Variants in LRRK2 observed in about 807,000 individuals in gnomAD.
The protein encoded by LRRK2 is leucine rich repeat kinase 2, also known as leucine-rich repeat serine/threonine-protein kinase 2.
A neutral mutation model predicts 302.6 loss-of-function variants in LRRK2; 203 were observed. That is an observed-to-expected ratio of 0.67 (90% CI 0.60 to 0.75). The LOEUF (loss-of-function observed/expected upper bound fraction) is 0.75, where lower values mean the gene tolerates loss of function less well. LRRK2 is among the 30% of genes least tolerant of loss of function. The pLI is 0.00. For synonymous variants in LRRK2, 1,066 were observed against 1,031.9 expected, an observed-to-expected ratio of 1.03 and a Z score of -0.63; for missense variants, 2,830 against 2,951.0, an observed-to-expected ratio of 0.96 and a Z score of 0.95.
chr12:40,265,191 C>T lies in LRRK2; in HGVS notation c.1656+1290C>T, dbSNP rs551826041. ...TTATGTTGTAATGGGTTAAATTTATCTTGAGAAATATTTGTTGAAAATAAG... is the reference window on the plus strand; with the variant it reads ...TTATGTTGTAATGGGTTAAATTTATTTTGAGAAATATTTGTTGAAAATAAG... On this transcript the variant is annotated intron_variant, in intron 14 of 50. Coordinates refer to ENST00000298910, the MANE Select transcript of LRRK2 (RefSeq NM_198578.4). Among the ~76,000 whole-genome samples the T allele has an allele frequency of 3.5e-4, 53 of 152,192 alleles. No homozygotes were observed. The South Asian group carries it at 5.8e-3, about 17-fold the overall frequency.
intron 39 of LRRK2, among the ~76,000 whole-genome samples, chr12:40,331,397 C>G (rs765902159): frequency 6.6e-6 from 1 of 152,156 alleles, no homozygotes; most frequent in South Asian, 2.1e-4. Context: ...GCAGGCTTTG[C>G]TCTCTAGATG....
At chr12:40,249,988 G>C (rs374219051) in intron 8 of LRRK2, 43 bp downstream of exon 8, 1 of 1,608,540 alleles carries the variant, frequency 6.2e-7, no homozygotes, top group Non-Finnish European at 8.5e-7. Flanking sequence ...AGAGGCATTT[G>C]ACATCAAATA....
chr12:40,271,425 G>A (rs7308193), intron 14 of LRRK2, among the ~76,000 whole-genome samples: 79 of 152,118 alleles, frequency 5.2e-4, no homozygotes, highest in African/African-American at 1.9e-3. Context: ...GGCTAGCTCA[G>A]TCATTGGAGA....
intron 2 of LRRK2, among the ~76,000 whole-genome samples, chr12:40,229,495 C>G (rs1314954577): frequency 6.6e-6 from 1 of 152,008 alleles, no homozygotes; most frequent in East Asian, 1.9e-4. Context: ...TTTTTCTTTT[C>G]CTGCCTATCT....
chr12:40,309,122 T>C lies in LRRK2; in HGVS notation c.4206T>C (p.Tyr1402=), dbSNP rs773386479. The change falls in exon 30 of 51, where the codon TAT becomes TAC. Residue 1402 remains tyrosine, a synonymous_variant. Coordinates refer to ENST00000298910, the MANE Select transcript of LRRK2 (RefSeq NM_198578.4). ...VWDFAGREEF[Y]STHPHFMTQR... is the part of the protein sequence containing the mutation. ...TTTATTTAGGTCGTGAGGAATTCTA[T>C]AGTACTCATCCCCATTTTATGACGC... The C allele has an allele frequency of 2.5e-6, 4 of 1,613,888 alleles. No homozygotes were observed. In the East Asian group the frequency reaches 8.9e-5, roughly 36 times the overall value.
chr12:40,281,247 C>G (rs1449103413), intron 18 of LRRK2, among the ~76,000 whole-genome samples: 1 of 152,132 alleles, frequency 6.6e-6, no homozygotes, highest in Non-Finnish European at 1.5e-5. Flanking sequence ...TAATGTTATT[C>G]CCATTGTGCA....
chr12:40,356,010 G>A, intron 45 of LRRK2, 105 bp from the exon 46 acceptor site: 1 of 708,602 alleles, frequency 1.4e-6, no homozygotes, highest in Non-Finnish European at 2.4e-6. Flanking sequence ...GGAATTTATA[G>A]TTGAGAAGTC....
intron 7 of LRRK2, among the ~76,000 whole-genome samples, chr12:40,248,308 A>G (rs1236462900): frequency 6.6e-6 from 1 of 152,198 alleles, no homozygotes; most frequent in Admixed American, 6.6e-5. Context: ...GGGAAATGCT[A>G]CTTGACTGCC....
chr12:40,298,283 A>C lies in LRRK2; in HGVS notation c.3137A>C (p.Lys1046Thr), dbSNP rs1944459694. Residue 1046 changes from lysine (K) to threonine (T), a missense_variant, in exon 24 of 51, where the codon AAA becomes ACA. By Grantham distance (78) the Lys-to-Thr change is moderately conservative (BLOSUM62 -1). This residue lies in a region of LRRK2 where 2,121 missense variants were observed against 2,148.0 expected (regional missense o/e 0.99). Coordinates refer to ENST00000298910, the MANE Select transcript of LRRK2 (RefSeq NM_198578.4). ...SLTHLDLHSN[K>T]FTSFPSYLLK... ...ACACATTTGGACTTGCACAGTAATAAATTTACATCATTTCCTTCTTATTTG... is the reference window on the plus strand; with the variant it reads ...ACACATTTGGACTTGCACAGTAATACATTTACATCATTTCCTTCTTATTTG... 6.2e-7 allele frequency: 1 copy of C among 1,613,644 alleles called. No individual in the cohort carries two copies. The highest frequency in any genetic ancestry group is 1.1e-5 in the South Asian group (1 of 91,084).
chr12:40,249,810 T>C lies in LRRK2; in HGVS notation c.839-16T>C. 6.2e-7 allele frequency: 1 copy of C among 1,613,186 alleles called. No individual in the cohort carries two copies. Among genetic ancestry groups the C allele is most frequent in the East Asian group, 2.2e-5 (1 of 44,836 alleles). ...CCATGGATGAGAATTCAGCTAATGTTTCACTTAACTTTTAGGTAATTTTTT... is the reference window on the plus strand; with the variant it reads ...CCATGGATGAGAATTCAGCTAATGTCTCACTTAACTTTTAGGTAATTTTTT... On this transcript the variant is annotated splice_polypyrimidine_tract_variant and intron_variant, in intron 7 of 50. Coordinates refer to ENST00000298910, the MANE Select transcript of LRRK2 (RefSeq NM_198578.4).
intron 5 of LRRK2, among the ~76,000 whole-genome samples, 173 bp downstream of exon 5, chr12:40,238,276 T>C (rs1287987254): frequency 6.6e-6 from 1 of 152,120 alleles, no homozygotes; most frequent in Non-Finnish European, 1.5e-5. Flanking sequence ...GTATTGCTTG[T>C]TTTGGTGGGG....
In LRRK2 at chr12:40,284,226, A is replaced by T. The variant is rs140365603; in HGVS notation, c.2500+93A>T. The stretch of plus-strand genomic sequence containing the variant: ...TTTAGTGGTTATTCATGCCAGTTTG[A>T]GGGACCTTAAGCCAAAGATATTGCA... On this transcript the variant is annotated intron_variant, in intron 19 of 50. Coordinates refer to ENST00000298910, the MANE Select transcript of LRRK2 (RefSeq NM_198578.4). 2.1e-4 allele frequency: 236 copies of T among 1,145,574 alleles called. 1 individual carries two copies. In the African/African-American group the frequency reaches 3.4e-3, roughly 17 times the overall value. The allele number at this position is 1,145,574 out of a possible 1,614,324, so 71.0% of individuals were successfully genotyped here.
At chr12:40,298,557 T>C in intron 24 of LRRK2, 64 bp downstream of exon 24, 3 of 1,585,828 alleles carry the variant, frequency 1.9e-6, no homozygotes, top group Non-Finnish European at 2.6e-6. Flanking sequence ...CAAAATATGC[T>C]GACATTTTTA....
At chr12:40,234,625 C>T (rs1027905303) in intron 3 of LRRK2, among the ~76,000 whole-genome samples, 1 of 151,888 alleles carries the variant, frequency 6.6e-6, no homozygotes, top group Non-Finnish European at 1.5e-5. Flanking sequence ...GATCCCCCCG[C>T]CTCGGCGTCC....
chr12:40,310,372 A>C, intron 30 of LRRK2, 59 bp from the exon 31 acceptor site: 1 of 1,498,588 alleles, frequency 6.7e-7, no homozygotes, highest in South Asian at 1.1e-5. Context: ...TATCAACAGG[A>C]ATGTGAGCAG....
intron 2 of LRRK2, 80 bp downstream of exon 2, chr12:40,225,720 G>A: frequency 7.8e-7 from 1 of 1,277,834 alleles, no homozygotes; most frequent in Non-Finnish European, 1.1e-6. Context: ...TAATATAGCC[G>A]AGAGTTCTTG....
intron 12 of LRRK2, 119 bp from the exon 13 acceptor site, chr12:40,259,361 C>T: frequency 7.9e-7 from 1 of 1,271,540 alleles, no homozygotes; most frequent in Non-Finnish European, 1.1e-6. Context: ...AATGCATTTT[C>T]ATATAGTCTT....
In LRRK2 at chr12:40,359,284, A is replaced by G; in HGVS notation, c.6868A>G (p.Ile2290Val). The change falls in exon 47 of 51, where the codon ATA (isoleucine) becomes GTA (valine). Residue 2290 changes from isoleucine (I) to valine (V), a missense_variant. This residue lies in a region of LRRK2 where 456 missense variants were observed against 456.3 expected (regional missense o/e 1.00). Transcript: ENST00000298910. ...VKLKGAAPLK[I>V]LNIGNVSTPL... is the part of the protein sequence containing the mutation. The stretch of plus-strand genomic sequence containing the variant: ...GCTTAAAGGAGCTGCTCCTTTGAAG[A>G]TACTAAATATAGGAAATGTCAGTAC... 6.2e-7 allele frequency: 1 copy of G among 1,612,486 alleles called. No homozygotes were observed. Among genetic ancestry groups the G allele is most frequent in the Non-Finnish European group, 8.5e-7 (1 of 1,179,330 alleles).
intron 14 of LRRK2, among the ~76,000 whole-genome samples, chr12:40,267,113 C>T (rs1249120584): frequency 1.3e-5 from 2 of 152,100 alleles, no homozygotes; most frequent in Admixed American, 1.3e-4. Context: ...TGCACATCTA[C>T]CCTAAAACTT....
Sources: allele counts gnomAD v4.1 joint callset (sites outside exome capture counted in the v4.1 genomes callset), GRCh38; gene constraint gnomAD v4.1.1; regional missense constraint gnomAD v4.1.1; transcripts MANE v1.5; gene names NCBI Gene and HGNC (gene_info 2026-07-23, HGNC 2026-07-21).